Variants in KCNH7 observed in about 807,000 individuals in gnomAD.
KCNH7 encodes the protein potassium voltage-gated channel subfamily H member 7.
In KCNH7, 49 loss-of-function variants were observed where a neutral mutation model predicts 120.8. The ratio of observed to expected loss-of-function variants is 0.41; its 90% CI spans 0.32 to 0.51. The LOEUF is 0.51. KCNH7 is among the 20% of genes least tolerant of loss of function. KCNH7 has a pLI of 0.38. For synonymous variants in KCNH7, 547 were observed against 516.1 expected (o/e 1.06, Z -0.81); for missense variants, 1,097 against 1,446.6 (o/e 0.76, Z 3.92).
intron 2 of KCNH7, among the ~76,000 whole-genome samples, chr2:162,776,253 T>C (rs954668994): frequency 2.6e-5 from 4 of 152,152 alleles, no homozygotes; most frequent in African/African-American, 9.7e-5. Flanking sequence ...GATGGGAGGC[T>C]TCATGTAAGT....
At chr2:162,777,742 A>T (rs988151105) in intron 2 of KCNH7, among the ~76,000 whole-genome samples, 9 of 152,166 alleles carry the variant, frequency 5.9e-5, no homozygotes, top group African/African-American at 2.2e-4. Context: ...ATGGCAAGTA[A>T]CAGGGCCAAG....
intron 2 of KCNH7, among the ~76,000 whole-genome samples, chr2:162,602,613 G>T (rs1694594744): frequency 1.3e-5 from 2 of 151,996 alleles, no homozygotes; most frequent in South Asian, 4.1e-4. Flanking sequence ...CTTTATTCAG[G>T]TCTCTGCTAA....
At position 162,471,931 on chromosome 2, in the gene KCNH7, C is replaced by A. The variant is rs577032993; in HGVS notation, c.1129-25488G>T. Among the ~76,000 whole-genome samples the A allele has an allele frequency of 1.6e-4, 24 of 151,472 alleles. No homozygotes were observed. In the East Asian group the frequency reaches 4.7e-3, roughly 29 times the overall value. ...CAGAACAGAGCCCTCAGAAATAATA[C>A]CACACATCTACAACCATCTGATCTT... is the stretch of plus-strand genomic sequence containing the variant. On this transcript the variant is annotated intron_variant, in intron 6 of 15. Coordinates refer to ENST00000332142, the MANE Select transcript of KCNH7 (RefSeq NM_033272.4).
chr2:162,558,802 C>T (rs1305654786), intron 2 of KCNH7, among the ~76,000 whole-genome samples: 2 of 151,562 alleles, frequency 1.3e-5, no homozygotes, highest in South Asian at 2.1e-4. Context: ...AATATGGTCA[C>T]GCCTGTAATC....
At chr2:162,710,098 G>A (rs1243667130) in intron 2 of KCNH7, among the ~76,000 whole-genome samples, 2 of 152,126 alleles carry the variant, frequency 1.3e-5, no homozygotes, top group African/African-American at 4.8e-5. Context: ...CCAATAATGT[G>A]AGCAGAGATG....
intron 6 of KCNH7, among the ~76,000 whole-genome samples, chr2:162,455,929 G>A (rs1231996478): frequency 3.3e-5 from 5 of 151,512 alleles, no homozygotes; most frequent in Admixed American, 6.6e-5. Context: ...TTCGTGTCTC[G>A]ATCTCCTTCA....
At chr2:162,574,855 G>C (rs1041549623) in intron 2 of KCNH7, among the ~76,000 whole-genome samples, 1 of 152,062 alleles carries the variant, frequency 6.6e-6, no homozygotes, top group East Asian at 1.9e-4. Context: ...AGTATTATCA[G>C]GTTGTGTAAC....
intron 2 of KCNH7, among the ~76,000 whole-genome samples, chr2:162,639,911 C>G (rs1684089891): frequency 6.6e-6 from 1 of 152,074 alleles, no homozygotes; most frequent in African/African-American, 2.4e-5. Context: ...CATTATATTT[C>G]TATATACTAA....
rs1385257755 is a variant in KCNH7, at chr2:162,547,067, A to T, written c.308-9987T>A. On this transcript the variant is annotated intron_variant, in intron 2 of 15. Coordinates refer to ENST00000332142, the MANE Select transcript of KCNH7 (RefSeq NM_033272.4). ...TGGTTGGGGAGGCCTCAGGAAACTT[A>T]CAATCTTGGTGGAAGGGGAAGCAGG... 2.0e-5 allele frequency among the ~76,000 whole-genome samples: 3 copies of T among 152,138 alleles called. No homozygotes were observed. The East Asian group carries it at 5.8e-4, about 29-fold the overall frequency.
Position 162,601,399 on chromosome 2 carries a change from CTTTTTTTTTTTTTT to C in KCNH7, c.308-64333_308-64320del, listed in dbSNP as rs60201823. ...AAATTTTAAAAAAGTACTTCTTGTG[CTTTTTTTTTTTTTT>C]TTTTTTTTTTTTTGCTTACTTTGGT... is the stretch of plus-strand genomic sequence containing the variant. On this transcript the variant is annotated intron_variant, in intron 2 of 15. Transcript: ENST00000332142. Among the ~76,000 whole-genome samples, 24 of 9,602 alleles carry C rather than the reference CTTTTTTTTTTTTTT, an allele frequency of 2.5e-3. No homozygotes were observed. The East Asian group carries it at 0.05, about 20-fold the overall frequency. The allele number at this position is 9,602 out of a possible 152,430, so 6.3% of individuals were successfully genotyped here.
At chr2:162,614,136 C>G (rs536445386) in intron 2 of KCNH7, among the ~76,000 whole-genome samples, 14 of 152,098 alleles carry the variant, frequency 9.2e-5, no homozygotes, top group African/African-American at 3.4e-4. Context: ...AGTATGTAAA[C>G]TAGAGCAGTA....
At chr2:162,647,330 G>A (rs75053379) in intron 2 of KCNH7, among the ~76,000 whole-genome samples, 4,959 of 152,208 alleles carry the variant, frequency 0.033, 190 homozygotes, top group East Asian at 0.15. Flanking sequence ...ATACTTAATA[G>A]CTACAGTAAA....
intron 2 of KCNH7, among the ~76,000 whole-genome samples, chr2:162,667,167 A>T (rs980540019): frequency 6.6e-6 from 1 of 151,700 alleles, no homozygotes; most frequent in African/African-American, 2.4e-5. Context: ...CTATAGGTGT[A>T]CACCACAATG....
At chr2:162,494,058 G>C (rs1690414399) in intron 6 of KCNH7, among the ~76,000 whole-genome samples, 1 of 152,104 alleles carries the variant, frequency 6.6e-6, no homozygotes, top group South Asian at 2.1e-4. Context: ...GGTTATAAAA[G>C]GTTTACAAGA....
intron 3 of KCNH7, among the ~76,000 whole-genome samples, chr2:162,534,981 A>T (rs1242679284): frequency 6.6e-6 from 1 of 151,818 alleles, no homozygotes; most frequent in Non-Finnish European, 1.5e-5. Flanking sequence ...ATATATTTTT[A>T]AAAAAGGAAA....
chr2:162,531,833 G>T (rs1054813892), intron 3 of KCNH7, among the ~76,000 whole-genome samples: 1 of 151,858 alleles, frequency 6.6e-6, no homozygotes, highest in Admixed American at 6.6e-5. Flanking sequence ...AGGAAAAATT[G>T]CTATTAAGAA....
At chr2:162,708,666 C>T (rs959021443) in intron 2 of KCNH7, among the ~76,000 whole-genome samples, 11 of 151,990 alleles carry the variant, frequency 7.2e-5, no homozygotes, top group Admixed American at 7.2e-4. Context: ...CAATAGAGTG[C>T]CAAAGAGAAC....
intron 2 of KCNH7, among the ~76,000 whole-genome samples, chr2:162,607,919 T>C (rs541016827): frequency 1.4e-4 from 22 of 152,274 alleles, no homozygotes; most frequent in African/African-American, 4.6e-4. Context: ...GATACAAATA[T>C]AGTTAAAGAA....
At chr2:162,397,656 A>G (rs1686954066) in intron 10 of KCNH7, among the ~76,000 whole-genome samples, 2 of 151,954 alleles carry the variant, frequency 1.3e-5, no homozygotes, top group South Asian at 2.1e-4. Flanking sequence ...CCTGCTTTTC[A>G]AGGTCTTATT....
Sources: allele counts gnomAD v4.1 joint callset (sites outside exome capture counted in the v4.1 genomes callset), GRCh38; gene constraint gnomAD v4.1.1; transcripts MANE v1.5; gene names NCBI Gene and HGNC (gene_info 2026-07-23, HGNC 2026-07-21).